STT3B: variants seen among roughly 807,000 people sequenced by gnomAD.
STT3B encodes the protein dolichyl-diphosphooligosaccharide--protein glycosyltransferase subunit STT3B.
Under a neutral mutation model 96.8 loss-of-function variants are expected in STT3B, and 29 were observed. That is an observed-to-expected ratio of 0.30 (90% confidence interval 0.22 to 0.41). The LOEUF (loss-of-function observed/expected upper bound fraction) is 0.41. STT3B is among the 10% of genes least tolerant of loss of function. The pLI is 1.00. For missense variants in STT3B, 640 were observed against 1,022.3 expected (o/e 0.63, Z 5.10); for synonymous variants, 367 against 360.0 (o/e 1.02, Z -0.22).
chr3:31,556,429 T>G (rs1697712683), intron 1 of STT3B, among the ~76,000 whole-genome samples: 1 of 152,202 alleles, frequency 6.6e-6, no homozygotes, highest in African/African-American at 2.4e-5. Context: ...GTAGTGGGGT[T>G]GCTGGATTAT....
intron 14 of STT3B, among the ~76,000 whole-genome samples, chr3:31,631,259 GA>G (rs1424874719): frequency 6.6e-6 from 1 of 152,186 alleles, no homozygotes. Flanking sequence ...TTACTCTGTA[GA>G]TGACTTAAAA....
At chr3:31,607,986 TAAAC>T (rs1699093657) in intron 5 of STT3B, among the ~76,000 whole-genome samples, 1 of 152,220 alleles carries the variant, frequency 6.6e-6, no homozygotes, top group Non-Finnish European at 1.5e-5. Flanking sequence ...AGTATGTAAT[TAAAC>T]AAGTAGTTTT....
chr3:31,603,430 G>T (rs1188395332), intron 5 of STT3B, among the ~76,000 whole-genome samples: 4 of 151,726 alleles, frequency 2.6e-5, no homozygotes, highest in African/African-American at 7.3e-5. Context: ...TGAAATTTTG[G>T]GAGGAAAAAT....
At chr3:31,626,335 C>T (rs1366966806) in intron 13 of STT3B, among the ~76,000 whole-genome samples, 2 of 152,186 alleles carry the variant, frequency 1.3e-5, no homozygotes, top group Admixed American at 6.5e-5. Flanking sequence ...TACCATTCTT[C>T]CCTATGAAGC....
chr3:31,595,885 G>A (rs576307925), intron 3 of STT3B, among the ~76,000 whole-genome samples: 5 of 152,248 alleles, frequency 3.3e-5, no homozygotes, highest in South Asian at 2.1e-4. Context: ...TAAAGCTTCT[G>A]GTAATTTTAT....
chr3:31,539,466 T>C (rs1697200250), intron 1 of STT3B, among the ~76,000 whole-genome samples: 1 of 152,164 alleles, frequency 6.6e-6, no homozygotes, highest in South Asian at 2.1e-4. Context: ...AATTGAAGGA[T>C]ACAGATCTGC....
chr3:31,576,365 T>TA, intron 1 of STT3B, 31 bp from the exon 2 acceptor site: 1 of 1,351,402 alleles, frequency 7.4e-7, no homozygotes, highest in Non-Finnish European at 1.0e-6. Flanking sequence ...TAAGCAGTTT[T>TA]ATAACATTTC....
intron 5 of STT3B, among the ~76,000 whole-genome samples, chr3:31,601,426 A>G (rs1334420818): frequency 2.6e-5 from 4 of 152,226 alleles, no homozygotes; most frequent in African/African-American, 9.6e-5. Context: ...ACTTTATACC[A>G]TTATGTAAAA....
At chr3:31,566,782 A>T (rs1414955669) in intron 1 of STT3B, among the ~76,000 whole-genome samples, 3 of 151,980 alleles carry the variant, frequency 2.0e-5, no homozygotes, top group African/African-American at 7.3e-5. Context: ...TACTCCCCCC[A>T]GCTCTTGTTT....
intron 5 of STT3B, among the ~76,000 whole-genome samples, chr3:31,608,359 A>G (rs762319240): frequency 4.5e-4 from 69 of 152,296 alleles, no homozygotes; most frequent in Non-Finnish European, 7.1e-4. Context: ...TCGGTTTACA[A>G]TATTTATGGA....
At chr3:31,542,475 T>C (rs1697301724) in intron 1 of STT3B, among the ~76,000 whole-genome samples, 1 of 152,240 alleles carries the variant, frequency 6.6e-6, no homozygotes, top group Non-Finnish European at 1.5e-5. Flanking sequence ...GTTAATTCTT[T>C]GTTGAAGAAA....
At chr3:31,563,739 G>T (rs1171027444) in intron 1 of STT3B, among the ~76,000 whole-genome samples, 2 of 152,186 alleles carry the variant, frequency 1.3e-5, no homozygotes, top group African/African-American at 4.8e-5. Flanking sequence ...TAGAAAAGTG[G>T]TGTGAATAGT....
Position 31,636,433 on chromosome 3 carries a change from T to C in STT3B, c.*369T>C, listed in dbSNP as rs566663949. 1.2e-5 allele frequency: 2 copies of C among 163,296 alleles called. No homozygotes were observed. Among genetic ancestry groups the C allele is most frequent in the African/African-American group, 4.8e-5 (2 of 42,090 alleles). 10.1% of individuals were successfully genotyped at this position (163,296 alleles called of 1,614,324 possible). A position where few individuals can be genotyped will look rare whatever the true frequency, so the allele number is the denominator to read the frequency against. ...TTTATTCTTTTACAAGACCTGCATTTTATTTGAATTACCCGAATAGCAATA... is the reference window on the plus strand; with the variant it reads ...TTTATTCTTTTACAAGACCTGCATTCTATTTGAATTACCCGAATAGCAATA... On this transcript the variant is annotated 3_prime_UTR_variant, in exon 16 of 16. Coordinates refer to ENST00000295770, the MANE Select transcript of STT3B (RefSeq NM_178862.3).
chr3:31,631,314 T>C (rs1699660459), intron 14 of STT3B, among the ~76,000 whole-genome samples: 1 of 152,216 alleles, frequency 6.6e-6, no homozygotes, highest in Non-Finnish European at 1.5e-5. Context: ...TTTGTGTTTA[T>C]AATTTCTTTT....
chr3:31,622,483 G>A (rs1282308333), intron 10 of STT3B, among the ~76,000 whole-genome samples, 175 bp downstream of exon 10: 1 of 152,152 alleles, frequency 6.6e-6, no homozygotes, highest in African/African-American at 2.4e-5. Flanking sequence ...CAGTCCTTTA[G>A]CTCAGAGTTA....
chr3:31,539,634 G>A (rs1204700221), intron 1 of STT3B, among the ~76,000 whole-genome samples: 2 of 152,122 alleles, frequency 1.3e-5, no homozygotes, highest in East Asian at 1.9e-4. Flanking sequence ...CCGGGCTGTA[G>A]CTAACTAAGC....
rs548688583 is a variant in STT3B, at chr3:31,543,850, G to A, written c.314+10538G>A. ...CTTCCAAGTACAAGTAACTCTTACA[G>A]AGGTCTGTCTCCAGTGTTAACTCAC... On this transcript the variant is annotated intron_variant, in intron 1 of 15. Coordinates refer to ENST00000295770, the MANE Select transcript of STT3B (RefSeq NM_178862.3). 2.6e-5 allele frequency among the ~76,000 whole-genome samples: 4 copies of A among 152,308 alleles called. No individual in the cohort carries two copies. In the South Asian group the frequency reaches 8.3e-4, roughly 32 times the overall value.
chr3:31,535,105 A>C lies in STT3B; in HGVS notation c.314+1793A>C, dbSNP rs181037142. 2.2e-4 allele frequency among the ~76,000 whole-genome samples: 33 copies of C among 147,144 alleles called. No individual in the cohort carries two copies. In the East Asian group the frequency reaches 5.3e-3, roughly 23 times the overall value. ...CAAAATTGTGAATATTTCCATAGTA[A>C]CATTTTTACAAATGGAAGGCTAACG... On this transcript the variant is annotated intron_variant, in intron 1 of 15. Transcript: ENST00000295770.
At chr3:31,607,465 C>G (rs1308876523) in intron 5 of STT3B, among the ~76,000 whole-genome samples, 1 of 152,140 alleles carries the variant, frequency 6.6e-6, no homozygotes, top group Non-Finnish European at 1.5e-5. Context: ...TAATAACTCT[C>G]ACAAGATCTG....
Sources: gnomAD v4.1 joint callset for allele counts (sites outside exome capture counted in the v4.1 genomes callset) on GRCh38, gnomAD v4.1.1 for gene constraint, MANE v1.5 for transcripts, NCBI Gene and HGNC (gene_info 2026-07-23, HGNC 2026-07-21) for gene names.